The following PTPRB variants were observed in gnomAD, a reference collection of about 807,000 sequenced individuals.
PTPRB encodes protein tyrosine phosphatase receptor type B.
A neutral mutation model predicts 238.1 loss-of-function variants in PTPRB; 97 were observed. The observed-to-expected ratio is 0.41, with a 90% CI of 0.35 to 0.48. PTPRB has a LOEUF of 0.48. PTPRB is among the 20% of genes least tolerant of loss of function. The pLI, the probability that PTPRB is intolerant of heterozygous loss-of-function variation, is 0.30. For missense variants in PTPRB, 2,292 were observed against 2,681.9 expected (o/e 0.85, Z 3.21); for synonymous variants, 970 against 995.4 (o/e 0.97, Z 0.48).
chr12:70,601,979 T>A (rs1390043791), intron 4 of PTPRB, among the ~76,000 whole-genome samples: 1 of 151,624 alleles, frequency 6.6e-6, no homozygotes, highest in African/African-American at 2.4e-5. Flanking sequence ...GTATTTTTAG[T>A]AGAGACGGGG....
At chr12:70,549,879 G>A (rs1162474681) in intron 21 of PTPRB, among the ~76,000 whole-genome samples, 2 of 150,584 alleles carry the variant, frequency 1.3e-5, no homozygotes, top group African/African-American at 2.4e-5. Flanking sequence ...AGATGATGAA[G>A]CCATAACACG....
chr12:70,614,421 A>C (rs183510758), intron 3 of PTPRB, among the ~76,000 whole-genome samples: 1 of 152,126 alleles, frequency 6.6e-6, no homozygotes, highest in East Asian at 1.9e-4. Flanking sequence ...AGAATGTATT[A>C]CTTAAGTGAA....
At chr12:70,549,988 T>C (rs1876640880) in intron 21 of PTPRB, among the ~76,000 whole-genome samples, 1 of 152,234 alleles carries the variant, frequency 6.6e-6, no homozygotes, top group South Asian at 2.1e-4. Context: ...CATATTGTTT[T>C]GTAACCAATG....
intron 15 of PTPRB, among the ~76,000 whole-genome samples, chr12:70,564,844 AAT>A (rs1879038022): frequency 5.5e-4 from 1 of 1,828 alleles, no homozygotes; most frequent in South Asian, 0.028. Flanking sequence ...AAAAATAATA[AAT>A]AATAATAATA....
intron 22 of PTPRB, chr12:70,542,101 C>CACTA (rs1172836810): frequency 6.6e-6 from 1 of 152,194 alleles, no homozygotes; most frequent in African/African-American, 2.4e-5. Context: ...TTCATATCCT[C>CACTA]ACTAACTCTT....
At chr12:70,574,814 G>A (rs147194361) in intron 11 of PTPRB, among the ~76,000 whole-genome samples, 1 of 152,140 alleles carries the variant, frequency 6.6e-6, no homozygotes, top group Non-Finnish European at 1.5e-5. Context: ...AGTTCATGCC[G>A]GTCAAGGAGT....
In PTPRB at chr12:70,562,946, T is replaced by C. The variant is rs1254897579; in HGVS notation, c.4066A>G (p.Ser1356Gly). The change falls in exon 16 of 34, where the codon AGC (serine) becomes GGC (glycine). Residue 1356 changes from serine (S) to glycine (G), a missense_variant. Transcript: ENST00000334414. Reference protein sequence around the residue: ...ERAQVDPLVQSFSFQNLLQGR... With the variant: ...ERAQVDPLVQGFSFQNLLQGR... ...TGTAGCAAGTTCTGGAAAGAGAAGC[T>C]CTGGACTAGTGGGTCAACTTGAGCT... 1.2e-6 allele frequency: 2 copies of C among 1,614,020 alleles called. No individual in the cohort carries two copies. The highest frequency in any genetic ancestry group is 1.3e-5 in the African/African-American group (1 of 75,040).
intron 29 of PTPRB, 23 bp from the exon 30 acceptor site, chr12:70,534,978 A>C (rs1204274805): frequency 3.8e-6 from 6 of 1,597,740 alleles, no homozygotes; most frequent in Non-Finnish European, 5.1e-6. Context: ...AGACAGAAAA[A>C]ACATGAGTCC....
intron 1 of PTPRB, among the ~76,000 whole-genome samples, chr12:70,636,370 C>G (rs1885692680): frequency 6.7e-6 from 1 of 149,536 alleles, no homozygotes; most frequent in African/African-American, 2.5e-5. Context: ...TGGAAAGAAA[C>G]AAAACCATCC....
chr12:70,625,991 G>A (rs1885157158), intron 2 of PTPRB, among the ~76,000 whole-genome samples: 1 of 152,042 alleles, frequency 6.6e-6, no homozygotes, highest in Admixed American at 6.6e-5. Context: ...AGAGCAATGT[G>A]TATTTTATCT....
At chr12:70,559,224 A>G in intron 18 of PTPRB, 119 bp downstream of exon 18, 1 of 1,126,054 alleles carries the variant, frequency 8.9e-7, no homozygotes, top group Non-Finnish European at 1.3e-6. Context: ...GCCTGAATTC[A>G]AATCCAGACC....
chr12:70,613,457 T>A (rs1179767433), intron 3 of PTPRB, among the ~76,000 whole-genome samples: 1 of 152,080 alleles, frequency 6.6e-6, no homozygotes, highest in Non-Finnish European at 1.5e-5. Flanking sequence ...CTTGTGCCTG[T>A]CATTTCCTCT....
rs773505447 is a variant in PTPRB at position 70,594,517 on chromosome 12, A to G, written c.1466T>C (p.Met489Thr). The G allele has an allele frequency of 2.5e-6, 4 of 1,613,994 alleles. No individual in the cohort carries two copies. Among genetic ancestry groups the G allele is most frequent in the East Asian group, 2.2e-5 (1 of 44,864 alleles). ...TPGYLYNLTV[M>T]TEAAGLQNYR... ...GTTTTGCAGCCCTGCAGCCTCAGTC[A>G]TAACAGTGAGGTTGTAGAGGTAGCC... The change falls in exon 6 of 34, where the codon ATG becomes ACG. Residue 489 changes from methionine (M) to threonine (T), a missense_variant. Met to Thr is a moderately conservative substitution (Grantham distance 81). This residue lies in a region of PTPRB where 1,205 missense variants were observed against 1,287.8 expected (regional missense o/e 0.94). Transcript: ENST00000334414.
chr12:70,524,745 T>C (rs942212296), intron 32 of PTPRB, among the ~76,000 whole-genome samples, 154 bp from the exon 33 acceptor site: 3 of 152,142 alleles, frequency 2.0e-5, no homozygotes, highest in Non-Finnish European at 4.4e-5. Context: ...AAAGAGTGAC[T>C]GTCTTTTATT....
chr12:70,571,175 T>C lies in PTPRB; in HGVS notation c.3221A>G (p.Asn1074Ser), dbSNP rs75935731. The change falls in exon 13 of 34, where the codon AAT becomes AGT. Residue 1074 changes from asparagine (N) to serine (S), a missense_variant. By Grantham distance (46) the Asn-to-Ser change is conservative. This residue lies in a region of PTPRB where 1,205 missense variants were observed against 1,287.8 expected (regional missense o/e 0.94). Transcript: ENST00000334414. ...AAAAGGAGGAAATACTTTCATGTCA[T>C]TGAAGAGCAGCTGGATCTCATATTG... is the stretch of plus-strand genomic sequence containing the variant. ...VDQYEIQLLF[N>S]DMKVFPPFHL... 3 of 1,613,998 alleles carry C rather than the reference T, an allele frequency of 1.9e-6. No individual in the cohort carries two copies. The Admixed American group carries it at 5.0e-5, about 27-fold the overall frequency.
At chr12:70,634,883 T>C (rs571254840) in intron 2 of PTPRB, among the ~76,000 whole-genome samples, 31 of 152,334 alleles carry the variant, frequency 2.0e-4, no homozygotes, top group African/African-American at 7.5e-4. Context: ...GTTTTATCTT[T>C]CATGACTTTC....
chr12:70,524,617 AGGAGG>A, intron 32 of PTPRB, 26 bp from the exon 33 acceptor site: 1 of 1,597,844 alleles, frequency 6.3e-7, no homozygotes, highest in African/African-American at 1.3e-5. Flanking sequence ...AACATGTCAG[AGGAGG>A]GCCTGTTCTC....
chr12:70,544,677 C>T lies in PTPRB; in HGVS notation c.5388-14G>A, dbSNP rs1283482649. ...CGAATGCTGATTCTGAAAAGAAAAC[C>T]GATTTATTTAAATATAAATTAGTTG... On this transcript the variant is annotated splice_polypyrimidine_tract_variant and intron_variant, in intron 21 of 33. Coordinates refer to ENST00000334414, the MANE Select transcript of PTPRB (RefSeq NM_001109754.4). 6.6e-6 allele frequency: 10 copies of T among 1,522,892 alleles called. No homozygotes were observed. Among genetic ancestry groups the T allele is most frequent in the Non-Finnish European group, 8.9e-6 (10 of 1,129,516 alleles). The allele number at this position is 1,522,892 out of a possible 1,614,324, so 94.3% of individuals were successfully genotyped here.
chr12:70,524,955 ATATG>A (rs1259779337), intron 32 of PTPRB, among the ~76,000 whole-genome samples: 1 of 147,580 alleles, frequency 6.8e-6, no homozygotes, highest in African/African-American at 2.6e-5. Context: ...ATATGTGTAT[ATATG>A]TATGTGTATA....
Sources: gnomAD v4.1 joint callset for allele counts (sites outside exome capture counted in the v4.1 genomes callset) on GRCh38, gnomAD v4.1.1 for gene constraint, gnomAD v4.1.1 regional missense constraint, MANE v1.5 for transcripts, NCBI Gene and HGNC (gene_info 2026-07-23, HGNC 2026-07-21) for gene names.